The following DDX31 variants were observed in gnomAD, a reference collection of about 807,000 sequenced individuals.
DDX31 encodes ATP-dependent DNA helicase DDX31.
A neutral mutation model predicts 91.3 loss-of-function variants in DDX31; 70 were observed. The observed-to-expected ratio is 0.77, with a 90% CI of 0.63 to 0.94. DDX31 has a LOEUF of 0.94. Ranked by LOEUF, DDX31 falls within the 40% of genes least tolerant of loss-of-function variation. The pLI is 0.00. For synonymous variants in DDX31, 362 were observed against 350.6 expected (o/e 1.03, Z -0.36); for missense variants, 902 against 925.0 (o/e 0.98, Z 0.32).
chr9:132,648,168 C>T (rs781660833), intron 11 of DDX31, 21 bp downstream of exon 11: 2 of 1,572,988 alleles, frequency 1.3e-6, no homozygotes, highest in Admixed American at 3.5e-5. Flanking sequence ...AAGAAGGACC[C>T]ATCACTTCTT....
In DDX31 at chr9:132,662,465, G is replaced by T. The variant is rs763378235; in HGVS notation, c.306C>A (p.Asn102Lys). ...QCIKTSSLFK[N>K]NPDIPELHRP... ...TGTGGAGTTCTGGAATGTCAGGGTTGTTTTTAAACAGTGATGAAGTCTTAA... is the reference window on the plus strand; with the variant it reads ...TGTGGAGTTCTGGAATGTCAGGGTTTTTTTTAAACAGTGATGAAGTCTTAA... The change falls in exon 2 of 20, where the codon AAC (asparagine) becomes AAA (lysine). Residue 102 changes from asparagine to lysine, a missense_variant. Transcript: ENST00000372159. 6.2e-7 allele frequency: 1 copy of T among 1,614,180 alleles called. No individual in the cohort carries two copies.
chr9:132,628,280 A>C (rs1015118279), intron 16 of DDX31, among the ~76,000 whole-genome samples: 1 of 152,166 alleles, frequency 6.6e-6, no homozygotes, highest in East Asian at 1.9e-4. Context: ...CTCCCTCCTC[A>C]CGCAAATGCT....
chr9:132,659,920 A>G (rs1834825686), intron 4 of DDX31, 140 bp from the exon 5 acceptor site: 1 of 719,620 alleles, frequency 1.4e-6, no homozygotes, highest in Non-Finnish European at 2.3e-6. Flanking sequence ...GCATTCAAAT[A>G]AAGGTGTGAA....
At chr9:132,648,789 G>T (rs1387680624) in intron 9 of DDX31, among the ~76,000 whole-genome samples, 1 of 152,132 alleles carries the variant, frequency 6.6e-6, no homozygotes, top group Non-Finnish European at 1.5e-5. Flanking sequence ...CTTTAACTTT[G>T]AAAGGGATCA....
intron 19 of DDX31, among the ~76,000 whole-genome samples, chr9:132,603,192 C>A (rs1401057924): frequency 2.0e-5 from 3 of 152,250 alleles, no homozygotes; most frequent in African/African-American, 4.8e-5. Flanking sequence ...AACTGACATG[C>A]ACAAAGTGTC....
intron 18 of DDX31, among the ~76,000 whole-genome samples, chr9:132,616,527 G>T (rs1014662300): frequency 6.6e-6 from 1 of 152,190 alleles, no homozygotes; most frequent in Non-Finnish European, 1.5e-5. Flanking sequence ...GACAGTGTGG[G>T]TTTGATTTAT....
chr9:132,630,541 G>A, intron 15 of DDX31, 138 bp from the exon 16 acceptor site: 1 of 854,416 alleles, frequency 1.2e-6, no homozygotes. Context: ...CAATCACAAG[G>A]AGAAGTCACC....
chr9:132,612,457 C>T (rs889845063), intron 18 of DDX31: 1 of 586,746 alleles, frequency 1.7e-6, no homozygotes, highest in Admixed American at 3.0e-5. Flanking sequence ...AAAAAAACTA[C>T]AGGGGGCCAC....
chr9:132,666,768 G>A (rs965167075), intron 1 of DDX31, among the ~76,000 whole-genome samples: 15 of 150,642 alleles, frequency 1.0e-4, no homozygotes, highest in Non-Finnish European at 1.3e-4. Context: ...GTGCAGTGGC[G>A]CAATCTCGGC....
chr9:132,663,415 A>G (rs1835112521), intron 1 of DDX31: 1 of 985,146 alleles, frequency 1.0e-6, no homozygotes, highest in Admixed American at 6.2e-5. Context: ...TCTCTGCCTG[A>G]TTGCGGATTA....
At chr9:132,645,140 T>C (rs1833742409) in intron 13 of DDX31, among the ~76,000 whole-genome samples, 1 of 152,182 alleles carries the variant, frequency 6.6e-6, no homozygotes. Flanking sequence ...ACCTCTCCTC[T>C]AGGGCAAAAT....
At chr9:132,640,733 C>G (rs540759594) in intron 14 of DDX31, among the ~76,000 whole-genome samples, 297 of 152,174 alleles carry the variant, frequency 2.0e-3, no homozygotes, top group Non-Finnish European at 3.6e-3. Flanking sequence ...GTCGTGAACT[C>G]CTGGGCTCAA....
chr9:132,657,791 C>T (rs181619295), intron 6 of DDX31, among the ~76,000 whole-genome samples: 86 of 152,254 alleles, frequency 5.6e-4, no homozygotes, highest in African/African-American at 1.9e-3. Flanking sequence ...AAGCCTCTGC[C>T]CACGGATCAC....
Position 132,647,037 on chromosome 9 carries a change from A to G in DDX31, c.989T>C (p.Ile330Thr), listed in dbSNP as rs201836014. Residue 330 changes from isoleucine (I) to threonine (T), a missense_variant, in exon 12 of 20, where the codon ATC (isoleucine) becomes ACC (threonine). By Grantham distance (89) the Ile-to-Thr change is moderately conservative. Coordinates refer to ENST00000372159, the MANE Select transcript of DDX31 (RefSeq NM_022779.9). ...LTEGVTRLAD[I>T]SLHDPVSISV... ...AATACTGACTGGATCATGCAAACTGATATCAGCTAGCCGCGTTACACCTTG... is the reference window on the plus strand; with the variant it reads ...AATACTGACTGGATCATGCAAACTGGTATCAGCTAGCCGCGTTACACCTTG... The G allele has an allele frequency of 1.3e-4, 214 of 1,613,768 alleles. No individual in the cohort carries two copies. The highest frequency in any genetic ancestry group is 2.9e-4 in the East Asian group (13 of 44,882).
chr9:132,613,441 C>A lies in DDX31; in HGVS notation c.1826-1186G>T, dbSNP rs560987047. 6.4e-4 allele frequency among the ~76,000 whole-genome samples: 97 copies of A among 152,266 alleles called. 1 individual carries two copies. The highest frequency in any genetic ancestry group is 1.0e-4 in the Non-Finnish European group (7 of 68,014). ...GGGCGCGGTGGCTCAAGCCTGTAAT[C>A]CCAGCACTTTGGGAGGCCAAGTCGG... is the stretch of plus-strand genomic sequence containing the variant. On this transcript the variant is annotated intron_variant, in intron 18 of 19. Coordinates refer to ENST00000372159, the MANE Select transcript of DDX31 (RefSeq NM_022779.9).
Position 132,652,631 on chromosome 9 carries a change from G to A in DDX31, c.589-139C>T, listed in dbSNP as rs972488621. Reference sequence around the variant, plus strand: ...AAGGGACAAAATAAGGTTGCCCACTGATGTGGTCTGGCTGTGCCCCCACCC... The same window carrying A: ...AAGGGACAAAATAAGGTTGCCCACTAATGTGGTCTGGCTGTGCCCCCACCC... On this transcript the variant is annotated intron_variant, in intron 6 of 19. Coordinates refer to ENST00000372159, the MANE Select transcript of DDX31 (RefSeq NM_022779.9). 26 of 1,054,782 alleles carry A rather than the reference G, an allele frequency of 2.5e-5. 1 individual carries two copies. The highest frequency in any genetic ancestry group is 3.6e-5 in the Non-Finnish European group (26 of 718,494). The allele number at this position is 1,054,782 out of a possible 1,614,324, so 65.3% of individuals were successfully genotyped here.
In DDX31 at chr9:132,623,279, C is replaced by T. The variant is rs114916988; in HGVS notation, c.1713+2385G>A. ...AGGCTTAGAAAGGTCCAGTCCAGGC[C>T]GGGTGCAGTGGCTCATGCCTGTAAT... On this transcript the variant is annotated intron_variant, in intron 17 of 19. Coordinates refer to ENST00000372159, the MANE Select transcript of DDX31 (RefSeq NM_022779.9). Among the ~76,000 whole-genome samples, 1,339 of 152,080 alleles carry T rather than the reference C, an allele frequency of 8.8e-3. 23 individuals carry two copies. Among genetic ancestry groups the T allele is most frequent in the African/African-American group, 0.031 (1,271 of 41,478 alleles).
intron 9 of DDX31, 26 bp from the exon 10 acceptor site, chr9:132,648,577 G>T (rs1203999167): frequency 1.3e-6 from 2 of 1,590,318 alleles, no homozygotes; most frequent in Non-Finnish European, 1.7e-6. Flanking sequence ...TATCATAAAA[G>T]AAAGTAAATC....
At chr9:132,640,182 C>T (rs1287164748) in intron 14 of DDX31, among the ~76,000 whole-genome samples, 1 of 152,140 alleles carries the variant, frequency 6.6e-6, no homozygotes, top group African/African-American at 2.4e-5. Flanking sequence ...AGTGAAGAAA[C>T]GTAGGGTGCA....
Sources: gnomAD v4.1 joint callset for allele counts (sites outside exome capture counted in the v4.1 genomes callset) on GRCh38, gnomAD v4.1.1 for gene constraint, MANE v1.5 for transcripts, NCBI Gene and HGNC (gene_info 2026-07-23, HGNC 2026-07-21) for gene names.